Variants in PLEKHM3 observed in about 807,000 individuals in gnomAD.
The protein encoded by PLEKHM3 is pleckstrin homology domain containing M3.
In PLEKHM3, 45 loss-of-function variants were observed where a neutral mutation model predicts 81.8. That is an observed-to-expected ratio of 0.55 (90% CI 0.43 to 0.71). The LOEUF is 0.71. PLEKHM3 is among the 30% of genes least tolerant of loss of function. The pLI, the probability that PLEKHM3 is intolerant of heterozygous loss-of-function variation, is 0.00. For missense variants in PLEKHM3, 788 were observed against 924.3 expected, an observed-to-expected ratio of 0.85 and a Z score of 1.91; for synonymous variants, 352 against 356.4, an observed-to-expected ratio of 0.99 and a Z score of 0.14.
intron 1 of PLEKHM3, among the ~76,000 whole-genome samples, chr2:208,006,162 A>T (rs1001695379): frequency 2.6e-5 from 4 of 151,818 alleles, no homozygotes; most frequent in South Asian, 4.2e-4. Context: ...TTCCAACCTT[A>T]CTCTTTGGAA....
chr2:207,901,232 G>A, intron 6 of PLEKHM3: 1 of 702,840 alleles, frequency 1.4e-6, no homozygotes, highest in Non-Finnish European at 2.6e-6. Context: ...CACATTTGCT[G>A]CCACATCCCG....
At chr2:207,834,206 C>T (rs10202827) in intron 7 of PLEKHM3, among the ~76,000 whole-genome samples, 99,828 of 150,642 alleles carry the variant, frequency 0.66, 33,585 homozygotes, top group African/African-American at 0.76. Flanking sequence ...CTCAGCTCAC[C>T]ACAATCTCCA....
chr2:208,009,097 C>T (rs991528525), intron 1 of PLEKHM3, among the ~76,000 whole-genome samples: 1 of 152,208 alleles, frequency 6.6e-6, no homozygotes, highest in South Asian at 2.1e-4. Context: ...CCAGGGAAAC[C>T]CTTCGACGAA....
At chr2:207,988,576 T>C (rs998596737) in intron 2 of PLEKHM3, among the ~76,000 whole-genome samples, 13 of 152,180 alleles carry the variant, frequency 8.5e-5, no homozygotes, top group Non-Finnish European at 8.8e-5. Context: ...GTTAACAAAT[T>C]CCTTCCTACT....
At chr2:207,932,950 A>G (rs1689640031) in intron 4 of PLEKHM3, among the ~76,000 whole-genome samples, 1 of 152,220 alleles carries the variant, frequency 6.6e-6, no homozygotes, top group Non-Finnish European at 1.5e-5. Context: ...TCATTTTCTT[A>G]TATTGCAAAG....
chr2:207,831,957 G>C (rs1383358071), intron 7 of PLEKHM3, among the ~76,000 whole-genome samples: 1 of 152,192 alleles, frequency 6.6e-6, no homozygotes, highest in African/African-American at 2.4e-5. Flanking sequence ...ACCTAGGGAT[G>C]TTGCCCCAGG....
At position 207,962,924 on chromosome 2, in the gene PLEKHM3, T is replaced by TAAA. The variant is rs11388264; in HGVS notation, c.1546+13724_1546+13726dup. On this transcript the variant is annotated intron_variant, in intron 3 of 7. Coordinates refer to ENST00000427836, the MANE Select transcript of PLEKHM3 (RefSeq NM_001080475.3). Reference sequence around the variant, plus strand: ...TCTAAGAGGTCCTATAGTCAAAAATTAAAAAAAAAAAAAAAAAGACGTGCC... The same window carrying TAAA: ...TCTAAGAGGTCCTATAGTCAAAAATTAAAAAAAAAAAAAAAAAAAAGACGTGCC... 4.9e-3 allele frequency among the ~76,000 whole-genome samples: 668 copies of TAAA among 135,768 alleles called. 6 individuals are homozygous for TAAA. The highest frequency in any genetic ancestry group is 7.3e-3 in the Non-Finnish European group (469 of 64,516). The allele number at this position is 135,768 out of a possible 152,430, so 89.1% of individuals were successfully genotyped here. A position where few individuals can be genotyped will look rare whatever the true frequency, so the allele number is the denominator to read the frequency against.
chr2:207,907,919 C>A (rs190434750), intron 6 of PLEKHM3, among the ~76,000 whole-genome samples: 2 of 152,202 alleles, frequency 1.3e-5, no homozygotes, highest in African/African-American at 4.8e-5. Context: ...CTAAACATTT[C>A]ATGTAAATAG....
rs1356684224 is a variant in PLEKHM3, at chr2:207,929,900, C to CA, written c.1886+1025dup. ...GTTCTTAGGCAGGTAGGCTTACCTC[C>CA]AAAAACATTTAACATGACTAATGCA... On this transcript the variant is annotated intron_variant, in intron 5 of 7. Coordinates refer to ENST00000427836, the MANE Select transcript of PLEKHM3 (RefSeq NM_001080475.3). 8.6e-6 allele frequency: 6 copies of CA among 700,080 alleles called. No homozygotes were observed. In the African/African-American group the frequency reaches 1.1e-4, roughly 12 times the overall value. The allele number at this position is 700,080 out of a possible 1,614,324, so 43.4% of individuals were successfully genotyped here.
chr2:207,840,216 T>A (rs746452869), intron 7 of PLEKHM3, among the ~76,000 whole-genome samples: 4 of 152,202 alleles, frequency 2.6e-5, no homozygotes, highest in Non-Finnish European at 1.5e-5. Flanking sequence ...AGAGACAGGG[T>A]CTTGCTGTTG....
At chr2:207,865,804 ATATATATATATATATATATAT>A (rs2092496538) in intron 6 of PLEKHM3, among the ~76,000 whole-genome samples, 4 of 30,924 alleles carry the variant, frequency 1.3e-4, no homozygotes, top group African/African-American at 5.0e-4. Context: ...AAAAAAAAAG[ATATATATATATATATATATAT>A]ATATATATAT....
chr2:207,861,186 A>T lies in PLEKHM3; in HGVS notation c.2027T>A (p.Leu676His). The T allele has an allele frequency of 6.2e-7, 1 of 1,614,164 alleles. No individual in the cohort carries two copies. Among genetic ancestry groups the T allele is most frequent in the Non-Finnish European group, 8.5e-7 (1 of 1,179,994 alleles). Residue 676 changes from leucine (L) to histidine (H), a missense_variant, in exon 7 of 8, where the codon CTT becomes CAT. Leu to His is a moderately conservative substitution (Grantham distance 99). Transcript: ENST00000427836. The stretch of plus-strand genomic sequence containing the variant: ...ACAGATGAACCCCTTCTGGCTACAA[A>T]GACTGCAGCTGTACACGTGTGAGGT... ...FATSHVYSCS[L>H]CSQKGFICEI...
At chr2:208,020,769 G>A (rs1301879366) in intron 1 of PLEKHM3, among the ~76,000 whole-genome samples, 1 of 152,204 alleles carries the variant, frequency 6.6e-6, no homozygotes, top group East Asian at 1.9e-4. Context: ...GTTAACATTT[G>A]CTGAAGCAAA....
chr2:207,928,929 G>A (rs1158733258), intron 5 of PLEKHM3, among the ~76,000 whole-genome samples: 1 of 152,200 alleles, frequency 6.6e-6, no homozygotes, highest in Non-Finnish European at 1.5e-5. Context: ...GGATGGGTCA[G>A]ACATTGCGCT....
intron 6 of PLEKHM3, among the ~76,000 whole-genome samples, chr2:207,880,336 G>T (rs2092580256): frequency 6.6e-6 from 1 of 152,022 alleles, no homozygotes; most frequent in South Asian, 2.1e-4. Flanking sequence ...GAACCCAGGG[G>T]GCGAAGGTTG....
At chr2:207,980,565 C>T (rs1691485429) in intron 2 of PLEKHM3, among the ~76,000 whole-genome samples, 1 of 151,944 alleles carries the variant, frequency 6.6e-6, no homozygotes, top group African/African-American at 2.4e-5. Flanking sequence ...AGGAAATGGC[C>T]TTTTATTTAT....
chr2:207,925,181 A>C (rs1222447100), intron 5 of PLEKHM3, among the ~76,000 whole-genome samples: 2 of 150,282 alleles, frequency 1.3e-5, no homozygotes, highest in Non-Finnish European at 3.0e-5. Context: ...AGGTAAAAAA[A>C]TTAGAGAGTA....
At chr2:207,952,128 G>C (rs1478271236) in intron 3 of PLEKHM3, among the ~76,000 whole-genome samples, 1 of 152,210 alleles carries the variant, frequency 6.6e-6, no homozygotes, top group Non-Finnish European at 1.5e-5. Flanking sequence ...AAAAAGAAAA[G>C]AAGGTGCCTT....
intron 7 of PLEKHM3, among the ~76,000 whole-genome samples, chr2:207,854,058 T>A (rs1237347288): frequency 6.6e-6 from 1 of 151,152 alleles, no homozygotes; most frequent in Non-Finnish European, 1.5e-5. Flanking sequence ...ATTACAGGCA[T>A]GAGCCACCAC....
Sources: allele counts gnomAD v4.1 joint callset (sites outside exome capture counted in the v4.1 genomes callset), GRCh38; gene constraint gnomAD v4.1.1; transcripts MANE v1.5; gene names NCBI Gene and HGNC (gene_info 2026-07-23, HGNC 2026-07-21).